Variants in LITAF observed in about 807,000 individuals in gnomAD.
The protein encoded by LITAF is lipopolysaccharide induced TNF factor, also known as lipopolysaccharide-induced tumor necrosis factor-alpha factor.
LITAF carries 9 observed loss-of-function variants against 14.5 expected under a neutral mutation model. The ratio of observed to expected loss-of-function variants is 0.62; its 90% CI spans 0.37 to 1.08. LITAF has a LOEUF of 1.08. Among genes scored for constraint, LITAF ranks in the 50% least tolerant of loss-of-function variants. The pLI, the probability that LITAF is intolerant of heterozygous loss-of-function variation, is 0.01. For synonymous variants in LITAF, 98 were observed against 88.2 expected, an observed-to-expected ratio of 1.11 and a Z score of -0.62; for missense variants, 206 against 213.4, an observed-to-expected ratio of 0.97 and a Z score of 0.22.
At chr16:11,598,640 G>C (rs1038615600), upstream of LITAF, 1 of 152,130 alleles carries the variant, frequency 6.6e-6, no homozygotes, top group South Asian at 2.1e-4. Flanking sequence ...GGTGAAAGCG[G>C]TGACAATGAT....
At chr16:11,574,161 C>T (rs11639778) in intron 1 of LITAF, among the ~76,000 whole-genome samples, 117,349 of 151,590 alleles carry the variant, frequency 0.77, 45,973 homozygotes, top group African/African-American at 0.88. Flanking sequence ...CCTGCCTCAG[C>T]TTCCAGAGCA....
rs1001715006 is a variant in LITAF, at chr16:11,548,873, A to C, written c.*764T>G. On this transcript the variant is annotated 3_prime_UTR_variant, in exon 4 of 4. Transcript: ENST00000622633. ...TTTCAGACCAAAAGGAGGTCATAAA[A>C]ACTGTTCATATAATTACTCTATGAG... The C allele has an allele frequency of 4.4e-6, 2 of 453,796 alleles. No individual in the cohort carries two copies. The highest frequency in any genetic ancestry group is 4.0e-5 in the African/African-American group (2 of 49,952). 28.1% of individuals were successfully genotyped at this position (453,796 alleles called of 1,614,324 possible).
Position 11,549,052 on chromosome 16 carries a change from T to C in LITAF, c.*585A>G, listed in dbSNP as rs2064144832. The C allele has an allele frequency of 2.3e-6, 1 of 430,768 alleles. No individual in the cohort carries two copies. The highest frequency in any genetic ancestry group is 4.6e-6 in the Non-Finnish European group (1 of 218,574). The allele number at this position is 430,768 out of a possible 1,614,324, so 26.7% of individuals were successfully genotyped here. ...GGGTGTTAATAGCCCCCTCCTTGTA[T>C]TTAAAAAAAAAATTAAGAAATTAAA... On this transcript the variant is annotated 3_prime_UTR_variant, in exon 4 of 4. Coordinates refer to ENST00000622633, the MANE Select transcript of LITAF (RefSeq NM_001136472.2). The surrounding 1 kb of genome is among the most constrained non-coding windows in gnomAD (Gnocchi z 4.6).
chr16:11,562,991 G>A (rs932282116), intron 1 of LITAF, among the ~76,000 whole-genome samples: 5 of 151,440 alleles, frequency 3.3e-5, no homozygotes, highest in Non-Finnish European at 7.4e-5. Context: ...AGCCAGACAC[G>A]GTTGCACAAA....
chr16:11,556,879 G>T (rs947668084), intron 1 of LITAF, 144 bp from the exon 2 acceptor site: 1 of 744,960 alleles, frequency 1.3e-6, no homozygotes, highest in African/African-American at 1.7e-5. Context: ...GCTAGGAAGA[G>T]GGTTAATGTC....
At chr16:11,566,562 G>C (rs998556502) in intron 1 of LITAF, among the ~76,000 whole-genome samples, 1 of 152,172 alleles carries the variant, frequency 6.6e-6, no homozygotes, top group African/African-American at 2.4e-5. Flanking sequence ...CTAGAAGTTC[G>C]AGACCGGCCC....
upstream of LITAF, among the ~76,000 whole-genome samples, chr16:11,588,411 G>A (rs184894603): frequency 7.2e-4 from 109 of 152,112 alleles, no homozygotes; most frequent in Non-Finnish European, 1.3e-3. Context: ...GCTGAGGTGG[G>A]AGGATTCCTT....
intron 3 of LITAF, chr16:11,629,225 C>G (rs999926425): frequency 6.6e-6 from 1 of 151,714 alleles, no homozygotes; most frequent in African/African-American, 2.4e-5. Context: ...AGCCTCTGTC[C>G]GCAGGACACC....
intron 3 of LITAF, among the ~76,000 whole-genome samples, chr16:11,621,077 G>C (rs1012937652): frequency 3.2e-5 from 4 of 126,530 alleles, no homozygotes; most frequent in East Asian, 2.4e-4. Flanking sequence ...TTTTTTTTTT[G>C]AGATGGAGTT....
At position 11,605,220 on chromosome 16, in the gene LITAF, G is replaced by A. The variant is rs1196258086; in HGVS notation, c.85+28313C>T. Reference sequence around the variant, plus strand: ...GCCAGCTCTGGATGGAGGATGAGCTGAATTACGCACCGTGGACTTCACCAG... The same window carrying A: ...GCCAGCTCTGGATGGAGGATGAGCTAAATTACGCACCGTGGACTTCACCAG... On this transcript the variant is annotated intron_variant, in intron 3 of 3. Coordinates refer to the LITAF transcript ENST00000574848. The surrounding 1 kb of genome is among the most constrained non-coding windows in gnomAD (Gnocchi z 4.7). Among the ~76,000 whole-genome samples, 1 of 152,210 alleles carries A rather than the reference G, an allele frequency of 6.6e-6. No individual in the cohort carries two copies. Among genetic ancestry groups the A allele is most frequent in the Non-Finnish European group, 1.5e-5 (1 of 68,044 alleles).
chr16:11,589,404 T>C (rs2064835224), upstream of LITAF, among the ~76,000 whole-genome samples: 1 of 152,208 alleles, frequency 6.6e-6, no homozygotes, highest in African/African-American at 2.4e-5. Flanking sequence ...TCTGGCCACC[T>C]CTGTCCAACA....
upstream of LITAF, among the ~76,000 whole-genome samples, chr16:11,589,844 A>C (rs1247383426): frequency 1.3e-5 from 2 of 151,798 alleles, no homozygotes; most frequent in East Asian, 3.9e-4. Flanking sequence ...GACTGGTCTC[A>C]AACTCCTGGG....
intron 3 of LITAF, among the ~76,000 whole-genome samples, chr16:11,618,711 G>A (rs2065031729): frequency 6.6e-6 from 1 of 152,106 alleles, no homozygotes; most frequent in Non-Finnish European, 1.5e-5. Context: ...CTGGCCGGCC[G>A]CGGGGGCTCA....
chr16:11,559,065 T>C (rs892471518), intron 1 of LITAF, among the ~76,000 whole-genome samples: 2 of 152,036 alleles, frequency 1.3e-5, no homozygotes, highest in African/African-American at 4.8e-5. Context: ...CTAGACAACA[T>C]AGTGATACCC....
At position 11,553,117 on chromosome 16, in the gene LITAF, A is replaced by G. The variant is rs1567235217; in HGVS notation, c.377+416T>C. Among the ~76,000 whole-genome samples the G allele has an allele frequency of 6.6e-6, 1 of 150,574 alleles. No homozygotes were observed. Among genetic ancestry groups the G allele is most frequent in the Non-Finnish European group, 1.5e-5 (1 of 67,766 alleles). On this transcript the variant is annotated intron_variant, in intron 3 of 3. Coordinates refer to ENST00000622633, the MANE Select transcript of LITAF (RefSeq NM_001136472.2). This position sits in a 1 kb window ranked among gnomAD's most constrained non-coding sequence, Gnocchi z 7.7. ...GCAACAGAGTGAGAATCCATCACAAAAAAAGAAAGAAATGCCTTAGGCCAG... is the reference window on the plus strand; with the variant it reads ...GCAACAGAGTGAGAATCCATCACAAGAAAAGAAAGAAATGCCTTAGGCCAG...
chr16:11,571,045 G>T (rs886180958), intron 1 of LITAF, among the ~76,000 whole-genome samples: 5 of 152,094 alleles, frequency 3.3e-5, no homozygotes, highest in African/African-American at 7.2e-5. Context: ...GAGCCTCCAG[G>T]AGCACAGTCC....
chr16:11,608,476 A>C (rs1327158423), intron 3 of LITAF, among the ~76,000 whole-genome samples: 1 of 152,240 alleles, frequency 6.6e-6, no homozygotes, highest in African/African-American at 2.4e-5. Flanking sequence ...GAAAACCTAA[A>C]AATCCATAGG....
chr16:11,598,497 T>C (rs76745756), exon 1 of LITAF: 2,223 of 152,218 alleles, frequency 0.015, 47 homozygotes, highest in Admixed American at 0.061. Context: ...GGGTTTCTTT[T>C]CCTGAGGCCA....
At chr16:11,551,700 C>T in intron 3 of LITAF, 1 of 655,960 alleles carries the variant, frequency 1.5e-6, no homozygotes, top group Non-Finnish European at 2.7e-6. Context: ...GGTATGGTGG[C>T]ACACACCTGT....
Sources: gnomAD v4.1 joint callset for allele counts (sites outside exome capture counted in the v4.1 genomes callset) on GRCh38, gnomAD v4.1.1 for gene constraint, Gnocchi (gnomAD v3.1) non-coding constraint, MANE v1.5 for transcripts, NCBI Gene and HGNC (gene_info 2026-07-23, HGNC 2026-07-21) for gene names.